Variants in CYP3A7 observed in about 807,000 individuals in gnomAD.
CYP3A7 encodes the protein cytochrome P450 3A7.
CYP3A7 carries 45 observed loss-of-function variants against 55.2 expected under a neutral mutation model. The ratio of observed to expected loss-of-function variants is 0.82; its 90% CI spans 0.64 to 1.05. The LOEUF (loss-of-function observed/expected upper bound fraction) is 1.05, where lower values mean the gene tolerates loss of function less well. CYP3A7 is among the 50% of genes least tolerant of loss of function. The pLI is 0.00. For missense variants in CYP3A7, 548 were observed against 605.3 expected (o/e 0.91, Z 0.99); for synonymous variants, 180 against 207.4 (o/e 0.87, Z 1.13).
At chr7:99,712,526 G>A (rs1220772423) in intron 9 of CYP3A7, among the ~76,000 whole-genome samples, 1 of 152,178 alleles carries the variant, frequency 6.6e-6, no homozygotes, top group Non-Finnish European at 1.5e-5. Context: ...TGTGTCTAGT[G>A]ATTTCTAGAT....
chr7:99,713,464 G>T lies in CYP3A7; in HGVS notation c.865+5C>A. The T allele has an allele frequency of 6.2e-7, 1 of 1,613,292 alleles. No individual in the cohort carries two copies. Among genetic ancestry groups the T allele is most frequent in the Non-Finnish European group, 8.5e-7 (1 of 1,179,490 alleles). On this transcript the variant is annotated splice_donor_5th_base_variant and intron_variant, in intron 9 of 12. Coordinates refer to ENST00000336374, the MANE Select transcript of CYP3A7 (RefSeq NM_000765.5). The stretch of plus-strand genomic sequence containing the variant: ...CAGTAGCCCTCAGAAGCACTCTTTT[G>T]TTACCTTTGTGGGTCTCAGAGTCTT...
Position 99,735,041 on chromosome 7 carries a change from C to G in CYP3A7, c.53G>C (p.Ser18Thr). The G allele has an allele frequency of 1.2e-6, 2 of 1,614,110 alleles. No individual in the cohort carries two copies. Among genetic ancestry groups the G allele is most frequent in the Non-Finnish European group, 1.7e-6 (2 of 1,179,988 alleles). The change falls in exon 1 of 13, where the codon AGC (serine) becomes ACC (threonine). Residue 18 changes from serine (S) to threonine (T), a missense_variant. Ser to Thr is a moderately conservative substitution (Grantham distance 58). Coordinates refer to ENST00000336374, the MANE Select transcript of CYP3A7 (RefSeq NM_000765.5). The stretch of plus-strand genomic sequence containing the variant: ...TACTCACAGATAGAGGAGTATCAGG[C>G]TGACAGCCAGGAGAAGCCAGGTTTC... ...AVETWLLLAVSLILLYLYGTR... is the reference protein window; with the variant it reads ...AVETWLLLAVTLILLYLYGTR...
chr7:99,717,485 A>G (rs779992686), intron 5 of CYP3A7, 41 bp downstream of exon 5: 6 of 1,610,708 alleles, frequency 3.7e-6, no homozygotes, highest in Non-Finnish European at 4.2e-6. Flanking sequence ...CACCTGATTC[A>G]TTCTTTAAGT....
chr7:99,729,126 G>A (rs1389999554), intron 2 of CYP3A7, among the ~76,000 whole-genome samples: 1 of 152,132 alleles, frequency 6.6e-6, no homozygotes, highest in African/African-American at 2.4e-5. Flanking sequence ...TTCTAACTGG[G>A]TGTCTTAGCT....
Position 99,724,767 on chromosome 7 carries a change from C to A in CYP3A7, c.166-2419G>T, listed in dbSNP as rs145394785. Among the ~76,000 whole-genome samples the A allele has an allele frequency of 4.6e-3, 695 of 152,284 alleles. 3 individuals are homozygous for A. The highest frequency in any genetic ancestry group is 0.016 in the African/African-American group (670 of 41,536). On this transcript the variant is annotated intron_variant, in intron 2 of 12. Coordinates refer to ENST00000336374, the MANE Select transcript of CYP3A7 (RefSeq NM_000765.5). ...TGAAGGCATAGTCAAGGTACATGTG[C>A]CTTTTTCTCTATCGACCTCTCCCAG...
chr7:99,714,342 A>C (rs556119842), intron 8 of CYP3A7, among the ~76,000 whole-genome samples: 1 of 152,184 alleles, frequency 6.6e-6, no homozygotes, highest in South Asian at 2.1e-4. Context: ...CTGATATCAA[A>C]TTTTAAGTGC....
At position 99,720,428 on chromosome 7, in the gene CYP3A7, A is replaced by C. The variant is rs1814155497; in HGVS notation, c.219-16T>G. The C allele has an allele frequency of 1.2e-6, 2 of 1,613,144 alleles. No individual in the cohort carries two copies. The highest frequency in any genetic ancestry group is 1.7e-6 in the Non-Finnish European group (2 of 1,179,316). On this transcript the variant is annotated splice_polypyrimidine_tract_variant and intron_variant, in intron 3 of 12. Transcript: ENST00000336374. Reference sequence around the variant, plus strand: ...GTCATAAATACTGTGTGGAGAAAACAGAGTTGATTAAACATCAACAGCCTT... The same window carrying C: ...GTCATAAATACTGTGTGGAGAAAACCGAGTTGATTAAACATCAACAGCCTT...
At chr7:99,714,424 G>A (rs1276356293) in intron 8 of CYP3A7, 131 bp downstream of exon 8, 15 of 1,406,390 alleles carry the variant, frequency 1.1e-5, no homozygotes, top group South Asian at 4.0e-5. Context: ...GAATTATCTT[G>A]CTCTAAACAT....
intron 8 of CYP3A7, 39 bp from the exon 9 acceptor site, chr7:99,713,574 C>T: frequency 6.2e-7 from 1 of 1,612,394 alleles, no homozygotes; most frequent in Non-Finnish European, 8.5e-7. Context: ...CAGAAAGTGA[C>T]TCGTGAAGTC....
At position 99,717,587 on chromosome 7, in the gene CYP3A7, T is replaced by A; in HGVS notation, c.371A>T (p.Glu124Val). ...CAATGATCGTATTCTCTTCCATTCT[T>A]CATCCTCAGCTATAGAGATGGCATT... Reference protein sequence around the residue: ...MKNAISIAEDEEWKRIRSLLS... With the variant: ...MKNAISIAEDVEWKRIRSLLS... The change falls in exon 5 of 13, where the codon GAA (glutamate) becomes GTA (valine). Residue 124 changes from glutamate (E) to valine (V), a missense_variant. By Grantham distance (121) the Glu-to-Val change is moderately radical. Coordinates refer to ENST00000336374, the MANE Select transcript of CYP3A7 (RefSeq NM_000765.5). 6.2e-7 allele frequency: 1 copy of A among 1,613,758 alleles called. No homozygotes were observed. The highest frequency in any genetic ancestry group is 8.5e-7 in the Non-Finnish European group (1 of 1,179,788).
chr7:99,712,395 A>G (rs939268114), intron 9 of CYP3A7, among the ~76,000 whole-genome samples: 2 of 152,226 alleles, frequency 1.3e-5, no homozygotes, highest in Non-Finnish European at 1.5e-5. Flanking sequence ...CTGCTGTCCA[A>G]TGTGGTAGCC....
intron 2 of CYP3A7, among the ~76,000 whole-genome samples, chr7:99,726,458 G>A (rs189857250): frequency 6.6e-4 from 101 of 152,120 alleles, no homozygotes; most frequent in Middle Eastern, 3.4e-3. Context: ...TGCCCAACCC[G>A]TACACTCTTT....
intron 11 of CYP3A7, 37 bp from the exon 12 acceptor site, chr7:99,708,011 A>T (rs1251320523): frequency 3.7e-6 from 6 of 1,613,324 alleles, no homozygotes; most frequent in Non-Finnish European, 5.1e-6. Context: ...AAAGTTAAAG[A>T]CATAATACCT....
chr7:99,714,479 A>C, intron 8 of CYP3A7, 76 bp downstream of exon 8: 51 of 1,552,124 alleles, frequency 3.3e-5, no homozygotes, highest in Non-Finnish European at 4.2e-5. Context: ...CATACAGGGA[A>C]GTGCACCGAT....
At chr7:99,721,566 G>A (rs1814198904) in intron 3 of CYP3A7, among the ~76,000 whole-genome samples, 1 of 152,226 alleles carries the variant, frequency 6.6e-6, no homozygotes, top group Non-Finnish European at 1.5e-5. Flanking sequence ...AGAACGTGAT[G>A]CTGGGAGTCC....
In CYP3A7 at chr7:99,714,663, GGT is replaced by G. The variant is rs1351521996; in HGVS notation, c.688_689del (p.Thr230ProfsTer4). 6.2e-7 allele frequency: 1 copy of G among 1,612,190 alleles called. No homozygotes were observed. The highest frequency in any genetic ancestry group is 1.3e-5 in the African/African-American group (1 of 74,750). On this transcript the variant is annotated frameshift_variant, in exon 8 of 13. Transcript: ENST00000336374. LOFTEE classifies it high-confidence loss of function. ...TGATATTTAATGCTTCAAGAATTGG[GGT>G]AAGGAATGGAAAGACTTCTGTAGAA... ...VLSIKVFPFLTPILEALNITV... is the reference protein window; with the variant it reads ...VLSIKVFPFLXPILEALNITV...
chr7:99,708,565 G>A (rs1813612167), intron 11 of CYP3A7, among the ~76,000 whole-genome samples: 1 of 151,830 alleles, frequency 6.6e-6, no homozygotes. Context: ...AATTTACACA[G>A]GCATATGATG....
chr7:99,715,500 A>G, intron 7 of CYP3A7: 1 of 506,050 alleles, frequency 2.0e-6, no homozygotes, highest in South Asian at 2.1e-5. Flanking sequence ...GCAAATCTAT[A>G]GATGCAGAAA....
intron 7 of CYP3A7, among the ~76,000 whole-genome samples, chr7:99,715,092 A>T (rs1373334225): frequency 6.6e-6 from 1 of 152,240 alleles, no homozygotes; most frequent in Non-Finnish European, 1.5e-5. Flanking sequence ...GATAAAGCTA[A>T]AATCAATAAG....
Sources: allele counts gnomAD v4.1 joint callset (sites outside exome capture counted in the v4.1 genomes callset), GRCh38; gene constraint gnomAD v4.1.1; transcripts MANE v1.5; gene names NCBI Gene and HGNC (gene_info 2026-07-23, HGNC 2026-07-21).